Variants in COL18A1 observed in about 807,000 individuals in gnomAD.
COL18A1 encodes collagen alpha-1(XVIII) chain.
A neutral mutation model predicts 168.0 loss-of-function variants in COL18A1; 133 were observed. That is an observed-to-expected ratio of 0.79 (90% CI 0.69 to 0.91). The LOEUF is 0.91. Ranked by LOEUF, COL18A1 falls within the 40% of genes least tolerant of loss-of-function variation. COL18A1 has a pLI of 0.00. For missense variants in COL18A1, 2,126 were observed against 1,925.4 expected (o/e 1.10, Z -1.95); for synonymous variants, 949 against 809.0 (o/e 1.17, Z -2.94).
chr21:45,487,105 T>C (rs2145965549), intron 16 of COL18A1, 113 bp downstream of exon 16: 1 of 1,034,752 alleles, frequency 9.7e-7, no homozygotes, highest in African/African-American at 1.6e-5. Flanking sequence ...GTGGCCTTGC[T>C]GGCACTGCCT....
chr21:45,500,915 G>T (rs1349440615), intron 32 of COL18A1, among the ~76,000 whole-genome samples: 1 of 35,220 alleles, frequency 2.8e-5, no homozygotes, highest in Non-Finnish European at 6.0e-5. Context: ...GGTGTGTTTT[G>T]GTGTGTGTGT....
In COL18A1 at chr21:45,491,145, C is replaced by G. The variant is rs916487941; in HGVS notation, c.2068-80C>G. ...TCACCCACCGTGGGCTCTGGGCACC[C>G]CCTCCAGGGCTGGGTGGACTCTGGG... On this transcript the variant is annotated intron_variant, in intron 21 of 41. Coordinates refer to ENST00000651438, the MANE Select transcript of COL18A1 (RefSeq NM_001379500.1). 3 of 1,280,620 alleles carry G rather than the reference C, an allele frequency of 2.3e-6. No individual in the cohort carries two copies. In the African/African-American group the frequency reaches 4.4e-5, roughly 19 times the overall value. 79.3% of individuals were successfully genotyped at this position (1,280,620 alleles called of 1,614,324 possible).
chr21:45,477,679 G>A lies in COL18A1; in HGVS notation c.1006-71G>A, dbSNP rs544542185. ...AGCCCAGCCTGGGACTCTGGAGGGC[G>A]CAGCGGGACACGTGGGCAGGGTGTG... On this transcript the variant is annotated intron_variant, in intron 7 of 41. Transcript: ENST00000651438. 181 of 1,401,260 alleles carry A rather than the reference G, an allele frequency of 1.3e-4. No individual in the cohort carries two copies. The African/African-American group carries it at 1.7e-3, about 13-fold the overall frequency. 86.8% of individuals were successfully genotyped at this position (1,401,260 alleles called of 1,614,324 possible). A position where few individuals can be genotyped will look rare whatever the true frequency, so the allele number is the denominator to read the frequency against.
Position 45,504,056 on chromosome 21 carries a change from T to C in COL18A1, c.2727+2T>C. 6.2e-7 allele frequency: 1 copy of C among 1,613,572 alleles called. No homozygotes were observed. The highest frequency in any genetic ancestry group is 8.5e-7 in the Non-Finnish European group (1 of 1,179,958). ...CTTCAGTTGGAGGCTGAAATGAAGG[T>C]GGGTGACCTCCCTGTGGGGTTGGGG... On this transcript the variant is annotated splice_donor_variant, in intron 33 of 41. Coordinates refer to ENST00000651438, the MANE Select transcript of COL18A1 (RefSeq NM_001379500.1). LOFTEE classifies it high-confidence loss of function.
intron 2 of COL18A1, among the ~76,000 whole-genome samples, chr21:45,448,716 G>T (rs765376774): frequency 1.6e-4 from 24 of 152,376 alleles, no homozygotes; most frequent in Non-Finnish European, 3.4e-4. Context: ...CCGTCCTCCT[G>T]TGAACAGGTC....
intron 15 of COL18A1, among the ~76,000 whole-genome samples, chr21:45,485,396 T>C (rs1421086428): frequency 6.6e-6 from 1 of 151,744 alleles, no homozygotes; most frequent in East Asian, 1.9e-4. Context: ...TTTGGGAGGC[T>C]GAGGTGGGAG....
intron 14 of COL18A1, chr21:45,482,464 G>A: frequency 1.8e-6 from 1 of 560,720 alleles, no homozygotes; most frequent in South Asian, 1.8e-5. Context: ...GACTGAGCAG[G>A]GGACGCGGGC....
At chr21:45,508,192 G>A (rs1196566916) in intron 38 of COL18A1, among the ~76,000 whole-genome samples, 1 of 151,314 alleles carries the variant, frequency 6.6e-6, no homozygotes, top group Non-Finnish European at 1.5e-5. Flanking sequence ...GATGGATGGT[G>A]GACAGGTGGG....
intron 41 of COL18A1, among the ~76,000 whole-genome samples, chr21:45,511,751 C>A (rs932238652): frequency 6.6e-6 from 1 of 152,206 alleles, no homozygotes. Flanking sequence ...CCCAGCAGTG[C>A]CTGGCCATCT....
intron 2 of COL18A1, among the ~76,000 whole-genome samples, chr21:45,418,464 T>C (rs992265155): frequency 8.5e-5 from 13 of 152,098 alleles, no homozygotes; most frequent in Non-Finnish European, 1.8e-4. Context: ...TGGGAACAGC[T>C]GCCGGGTGTT....
At chr21:45,489,364 G>C (rs1334520975) in intron 18 of COL18A1, 122 bp from the exon 19 acceptor site, 1 of 796,198 alleles carries the variant, frequency 1.3e-6, no homozygotes, top group African/African-American at 1.7e-5. Context: ...CTCGGCTCTG[G>C]GCTGGGGGAG....
intron 2 of COL18A1, among the ~76,000 whole-genome samples, chr21:45,431,042 C>G (rs564729574): frequency 1.3e-5 from 2 of 152,210 alleles, no homozygotes; most frequent in Non-Finnish European, 2.9e-5. Flanking sequence ...CAGGCAGGCA[C>G]TGGTCTCTTG....
intron 2 of COL18A1, among the ~76,000 whole-genome samples, chr21:45,449,633 C>T (rs1052065848): frequency 6.6e-6 from 1 of 152,154 alleles, no homozygotes; most frequent in Non-Finnish European, 1.5e-5. Context: ...GGGTGTTAGA[C>T]AGGGTGTGGC....
chr21:45,410,335 TTTGGC>T (rs756385691), intron 2 of COL18A1, among the ~76,000 whole-genome samples: 66 of 152,284 alleles, frequency 4.3e-4, no homozygotes, highest in Non-Finnish European at 7.9e-4. Flanking sequence ...TGGGTGGCGG[TTTGGC>T]TCTCACCACG....
intron 2 of COL18A1, among the ~76,000 whole-genome samples, chr21:45,446,300 C>T (rs1276193549): frequency 6.6e-6 from 1 of 152,228 alleles, no homozygotes; most frequent in Non-Finnish European, 1.5e-5. Context: ...TGTCCTTGCG[C>T]CACTCCCACA....
At chr21:45,456,296 G>C in intron 2 of COL18A1, 1 of 1,560,768 alleles carries the variant, frequency 6.4e-7, no homozygotes, top group Non-Finnish European at 8.7e-7. Flanking sequence ...CCAACGCCCT[G>C]ACGTCCGCCT....
chr21:45,416,324 T>C (rs768764228), intron 2 of COL18A1, among the ~76,000 whole-genome samples: 13 of 152,178 alleles, frequency 8.5e-5, no homozygotes, highest in Non-Finnish European at 1.8e-4. Context: ...AGTCTTGCCA[T>C]GCCCAGTGTC....
chr21:45,482,910 C>T (rs1226815015), intron 15 of COL18A1, 89 bp downstream of exon 15: 8 of 1,592,546 alleles, frequency 5.0e-6, no homozygotes, highest in African/African-American at 2.7e-5. Flanking sequence ...GCCCCACGGT[C>T]GAGAGAGTGA....
At chr21:45,406,245 C>T (rs2033105736) in intron 2 of COL18A1, among the ~76,000 whole-genome samples, 1 of 152,188 alleles carries the variant, frequency 6.6e-6, no homozygotes, top group Non-Finnish European at 1.5e-5. Flanking sequence ...GAGCCCCGCC[C>T]AAAGGGCCTG....
Sources: allele counts gnomAD v4.1 joint callset (sites outside exome capture counted in the v4.1 genomes callset), GRCh38; gene constraint gnomAD v4.1.1; transcripts MANE v1.5; gene names NCBI Gene and HGNC (gene_info 2026-07-23, HGNC 2026-07-21).